The following ADAMTS17 variants were observed in gnomAD, a reference collection of about 807,000 sequenced individuals.
ADAMTS17 encodes the protein A disintegrin and metalloproteinase with thrombospondin motifs 17.
A neutral mutation model predicts 141.5 loss-of-function variants in ADAMTS17; 113 were observed. The observed-to-expected ratio is 0.80, with a 90% confidence interval of 0.69 to 0.93. ADAMTS17 has a LOEUF of 0.93. Among genes scored for constraint, ADAMTS17 ranks in the 40% least tolerant of loss-of-function variants. The pLI is 0.00. For synonymous variants in ADAMTS17, 768 were observed against 630.6 expected (o/e 1.22, Z -3.27); for missense variants, 1,659 against 1,517.9 (o/e 1.09, Z -1.54).
At chr15:100,207,150 C>T (rs986450280) in intron 7 of ADAMTS17, among the ~76,000 whole-genome samples, 19 of 152,146 alleles carry the variant, frequency 1.2e-4, no homozygotes, top group African/African-American at 4.6e-4. Flanking sequence ...GGCCCTGATC[C>T]AACAGGTCTG....
Position 100,334,933 on chromosome 15 carries a change from C to T in ADAMTS17, c.451-3879G>A, listed in dbSNP as rs181323632. Among the ~76,000 whole-genome samples the T allele has an allele frequency of 3.0e-4, 45 of 152,284 alleles. No homozygotes were observed. The East Asian group carries it at 8.3e-3, about 28-fold the overall frequency. On this transcript the variant is annotated intron_variant, in intron 2 of 21. Coordinates refer to ENST00000268070, the MANE Select transcript of ADAMTS17 (RefSeq NM_139057.4). ...TTCTGAGGCTTGCCATGGTCGGAGGCTTGAGCCTGGTCACCTCCCTGCTCT... is the reference window on the plus strand; with the variant it reads ...TTCTGAGGCTTGCCATGGTCGGAGGTTTGAGCCTGGTCACCTCCCTGCTCT...
intron 10 of ADAMTS17, among the ~76,000 whole-genome samples, chr15:100,138,268 A>T (rs2038441264): frequency 6.6e-6 from 1 of 152,258 alleles, no homozygotes; most frequent in Non-Finnish European, 1.5e-5. Context: ...TGTCCAATAA[A>T]GTATAAACCC....
intron 13 of ADAMTS17, among the ~76,000 whole-genome samples, chr15:100,109,666 A>G (rs2036627084): frequency 3.3e-5 from 5 of 152,030 alleles, no homozygotes; most frequent in Admixed American, 3.3e-4. Flanking sequence ...TACAAAGGGG[A>G]CATGTGCGCC....
Position 100,051,604 on chromosome 15 carries a change from C to G in ADAMTS17, c.2423G>C (p.Gly808Ala), listed in dbSNP as rs2032151193. 6.2e-7 allele frequency: 1 copy of G among 1,613,936 alleles called. No homozygotes were observed. Among genetic ancestry groups the G allele is most frequent in the South Asian group, 1.1e-5 (1 of 91,078 alleles). The change falls in exon 17 of 22, where the codon GGC (glycine) becomes GCC (alanine). Residue 808 changes from glycine (G) to alanine (A), a missense_variant. By Grantham distance (60) the Gly-to-Ala change is moderately conservative. Coordinates refer to ENST00000268070, the MANE Select transcript of ADAMTS17 (RefSeq NM_139057.4). ...GCACTGCACACTGCACCCTTCCCAG[C>G]CGCTGTGGGTCCAGATGAACAAAGA... ...QDSLFIWTHS[G>A]WEGCSVQCGG...
intron 15 of ADAMTS17, among the ~76,000 whole-genome samples, chr15:100,082,281 G>C (rs1386545045): frequency 6.6e-6 from 1 of 152,130 alleles, no homozygotes; most frequent in Admixed American, 6.5e-5. Context: ...AGCCAGGATG[G>C]TCTCCATCTC....
intron 18 of ADAMTS17, among the ~76,000 whole-genome samples, chr15:100,038,484 A>C (rs73472464): frequency 0.058 from 8,826 of 151,690 alleles, 820 homozygotes; most frequent in African/African-American, 0.2. Context: ...AAGTCTTCTC[A>C]TTCATGAAAA....
intron 13 of ADAMTS17, among the ~76,000 whole-genome samples, chr15:100,116,646 T>C (rs1050486883): frequency 2.0e-5 from 3 of 152,322 alleles, no homozygotes; most frequent in Non-Finnish European, 2.9e-5. Flanking sequence ...ACAGCTGCAG[T>C]TGGAACATCT....
Position 100,087,701 on chromosome 15 carries a change from C to T in ADAMTS17, c.2137+8655G>A, listed in dbSNP as rs530446051. Among the ~76,000 whole-genome samples the T allele has an allele frequency of 6.6e-5, 10 of 152,266 alleles. No individual in the cohort carries two copies. In the South Asian group the frequency reaches 1.0e-3, roughly 16 times the overall value. On this transcript the variant is annotated intron_variant, in intron 15 of 21. Coordinates refer to ENST00000268070, the MANE Select transcript of ADAMTS17 (RefSeq NM_139057.4). The stretch of plus-strand genomic sequence containing the variant: ...GGTTCAACATACACAAATCAAGAAA[C>T]GTAATCCAGCATATAAACAGAACCA...
intron 8 of ADAMTS17, among the ~76,000 whole-genome samples, chr15:100,160,760 G>A (rs911155002): frequency 6.6e-6 from 1 of 152,174 alleles, no homozygotes; most frequent in South Asian, 2.1e-4. Flanking sequence ...GGTTTCTGGA[G>A]TTTGTCTCTA....
At chr15:100,302,458 T>C (rs529828828) in intron 3 of ADAMTS17, among the ~76,000 whole-genome samples, 1 of 152,330 alleles carries the variant, frequency 6.6e-6, no homozygotes, top group African/African-American at 2.4e-5. Flanking sequence ...AGTAATTCTA[T>C]GCTTAAACTT....
At chr15:100,011,044 G>C (rs912673447) in intron 18 of ADAMTS17, among the ~76,000 whole-genome samples, 1 of 151,858 alleles carries the variant, frequency 6.6e-6, no homozygotes, top group African/African-American at 2.4e-5. Context: ...GAGGCCCCGC[G>C]ACGCAGACAA....
At position 100,316,925 on chromosome 15, in the gene ADAMTS17, C is replaced by T. The variant is rs117804279; in HGVS notation, c.616+13964G>A. 2.1e-3 allele frequency among the ~76,000 whole-genome samples: 319 copies of T among 152,332 alleles called. 5 individuals carry two copies. The highest frequency in any genetic ancestry group is 0.017 in the East Asian group (86 of 5,168). On this transcript the variant is annotated intron_variant, in intron 3 of 21. Transcript: ENST00000268070. ...CCATGGCTGTGTCCATTCCCAGTCA[C>T]ACAGGTGGGCAGCAGGAAATGTCCC...
At chr15:100,308,639 A>T (rs978644142) in intron 3 of ADAMTS17, among the ~76,000 whole-genome samples, 2 of 152,138 alleles carry the variant, frequency 1.3e-5, no homozygotes, top group African/African-American at 2.4e-5. Flanking sequence ...TCAGTGTTGG[A>T]TTCATGAAAA....
rs576369565 is a variant in ADAMTS17, at chr15:100,116,147, A to AC, written c.1888+699_1888+700insG. Among the ~76,000 whole-genome samples the AC allele has an allele frequency of 2.8e-3, 416 of 146,646 alleles. 5 individuals carry two copies. Among genetic ancestry groups the AC allele is most frequent in the African/African-American group, 7.5e-3 (294 of 39,010 alleles). The stretch of plus-strand genomic sequence containing the variant: ...CAGTTTTAGGTAAAAAAAAAAAAAA[A>AC]AAAAAAAAAAACCCAACAACCCTGA... On this transcript the variant is annotated intron_variant, in intron 13 of 21. Coordinates refer to ENST00000268070, the MANE Select transcript of ADAMTS17 (RefSeq NM_139057.4).
chr15:100,201,569 C>T (rs1356850221), intron 7 of ADAMTS17, among the ~76,000 whole-genome samples: 4 of 152,260 alleles, frequency 2.6e-5, no homozygotes, highest in African/African-American at 4.8e-5. Context: ...CATGGCCTGG[C>T]TCCGCAGAGG....
At chr15:100,178,560 T>C (rs2040416610) in intron 8 of ADAMTS17, among the ~76,000 whole-genome samples, 1 of 152,222 alleles carries the variant, frequency 6.6e-6, no homozygotes, top group Non-Finnish European at 1.5e-5. Context: ...TAATATGTAG[T>C]TGTACTTTTA....
chr15:99,975,912 A>C (rs2060313241), intron 21 of ADAMTS17, 133 bp downstream of exon 21: 8 of 1,034,314 alleles, frequency 7.7e-6, no homozygotes, highest in Non-Finnish European at 1.1e-5. Flanking sequence ...CAGAACTGAC[A>C]AATGTCAGCC....
intron 15 of ADAMTS17, among the ~76,000 whole-genome samples, chr15:100,067,007 G>A (rs190976695): frequency 3.8e-4 from 46 of 120,086 alleles, no homozygotes; most frequent in African/African-American, 1.3e-3. Flanking sequence ...TTATGATATT[G>A]AGAGGGCAGC....
At chr15:100,204,904 T>C (rs1426355964) in intron 7 of ADAMTS17, among the ~76,000 whole-genome samples, 3 of 152,234 alleles carry the variant, frequency 2.0e-5, no homozygotes, top group Admixed American at 1.3e-4. Context: ...CCTTCCAGAC[T>C]TTCCCCTTGG....
Sources: gnomAD v4.1 joint callset for allele counts (sites outside exome capture counted in the v4.1 genomes callset) on GRCh38, gnomAD v4.1.1 for gene constraint, MANE v1.5 for transcripts, NCBI Gene and HGNC (gene_info 2026-07-23, HGNC 2026-07-21) for gene names.